The following ROR1 variants were observed in gnomAD, a reference collection of about 807,000 sequenced individuals.
ROR1 encodes ROR family WNT receptor 1.
Under a neutral mutation model 78.8 loss-of-function variants are expected in ROR1, and 19 were observed. The ratio of observed to expected loss-of-function variants is 0.24; its 90% CI spans 0.17 to 0.35. The LOEUF is 0.35. ROR1 is among the 10% of genes least tolerant of loss of function. ROR1 has a pLI of 1.00. For synonymous variants in ROR1, 386 were observed against 433.6 expected, an observed-to-expected ratio of 0.89 and a Z score of 1.36; for missense variants, 917 against 1,177.8, an observed-to-expected ratio of 0.78 and a Z score of 3.24.
chr1:64,113,496 T>C (rs375222097), intron 4 of ROR1: 2 of 152,206 alleles, frequency 1.3e-5, no homozygotes, highest in East Asian at 3.9e-4. Flanking sequence ...AGAATCTCAC[T>C]GCTCTTAAGT....
chr1:64,001,975 C>T (rs192945062), intron 1 of ROR1, among the ~76,000 whole-genome samples: 13 of 152,118 alleles, frequency 8.5e-5, no homozygotes, highest in East Asian at 1.9e-4. Flanking sequence ...TTTTTAGTCT[C>T]GTTGTGGTGG....
At chr1:63,995,862 A>G (rs2100526982) in intron 1 of ROR1, among the ~76,000 whole-genome samples, 1 of 152,304 alleles carries the variant, frequency 6.6e-6, no homozygotes, top group Admixed American at 6.5e-5. Flanking sequence ...AGCCAAGGTG[A>G]TCTCGGCACA....
intron 8 of ROR1, among the ~76,000 whole-genome samples, chr1:64,164,126 G>A (rs1650020762): frequency 6.6e-6 from 1 of 151,958 alleles, no homozygotes; most frequent in Non-Finnish European, 1.5e-5. Flanking sequence ...AGCATCCTCT[G>A]ACATTCTTTT....
chr1:64,116,578 G>A (rs551409221), intron 4 of ROR1, among the ~76,000 whole-genome samples: 7 of 152,120 alleles, frequency 4.6e-5, no homozygotes, highest in Non-Finnish European at 7.4e-5. Flanking sequence ...AACATAAGAA[G>A]GAATCTATTA....
intron 1 of ROR1, among the ~76,000 whole-genome samples, chr1:63,847,600 C>T (rs1420086588): frequency 1.3e-5 from 2 of 152,146 alleles, no homozygotes; most frequent in Non-Finnish European, 1.5e-5. Flanking sequence ...CAAAGGACTT[C>T]TGTCTGCCCT....
intron 4 of ROR1, among the ~76,000 whole-genome samples, chr1:64,062,167 C>A (rs757760947): frequency 5.9e-5 from 9 of 152,124 alleles, no homozygotes; most frequent in Non-Finnish European, 1.0e-4. Context: ...AATTTTCTTG[C>A]CATATTTCTT....
intron 4 of ROR1, among the ~76,000 whole-genome samples, chr1:64,098,872 G>C (rs1226497160): frequency 6.6e-6 from 1 of 152,192 alleles, no homozygotes; most frequent in Non-Finnish European, 1.5e-5. Context: ...CAACAATGAT[G>C]AAAAATAAAT....
At chr1:64,117,877 T>C (rs541450549) in intron 4 of ROR1, among the ~76,000 whole-genome samples, 3 of 136,438 alleles carry the variant, frequency 2.2e-5, no homozygotes, top group African/African-American at 8.2e-5. Flanking sequence ...GTCAAGGAGA[T>C]CAGTTCACGC....
At chr1:63,852,744 C>A (rs1472119451) in intron 1 of ROR1, among the ~76,000 whole-genome samples, 1 of 152,168 alleles carries the variant, frequency 6.6e-6, no homozygotes, top group Admixed American at 6.5e-5. Context: ...TCACATTCTA[C>A]TTTTAGGACA....
rs551716284 is a variant in ROR1 at position 64,141,101 on chromosome 1, G to A, written c.928+675G>A. Among the ~76,000 whole-genome samples, 4 of 152,254 alleles carry A rather than the reference G, an allele frequency of 2.6e-5. No individual in the cohort carries two copies. The South Asian group carries it at 6.2e-4, about 24-fold the overall frequency. On this transcript the variant is annotated intron_variant, in intron 6 of 8. Coordinates refer to ENST00000371079, the MANE Select transcript of ROR1 (RefSeq NM_005012.4). Reference sequence around the variant, plus strand: ...CTCTTAGGGTAATATAAGTGTTCTAGAACCTATAGTGGTGAAGGTTGTACA... The same window carrying A: ...CTCTTAGGGTAATATAAGTGTTCTAAAACCTATAGTGGTGAAGGTTGTACA...
intron 4 of ROR1, chr1:64,106,959 G>C (rs1212060698): frequency 6.6e-6 from 1 of 152,406 alleles, no homozygotes; most frequent in Non-Finnish European, 1.5e-5. Context: ...CAGTTCCTCT[G>C]TCCAGAGTCC....
intron 1 of ROR1, chr1:63,789,409 A>G (rs1401447308): frequency 6.0e-6 from 2 of 336,092 alleles, no homozygotes; most frequent in Admixed American, 7.9e-5. Flanking sequence ...ACACCTGAGC[A>G]CTGCCTGCTG....
At chr1:64,163,222 AACACACACACACACACACAC>A (rs57880828) in intron 8 of ROR1, among the ~76,000 whole-genome samples, 2,042 of 137,760 alleles carry the variant, frequency 0.015, 46 homozygotes, top group African/African-American at 0.052. Flanking sequence ...CATCTCTACA[AACACACACACACACACACAC>A]ACACACACAC....
intron 1 of ROR1, among the ~76,000 whole-genome samples, chr1:63,853,684 A>G (rs1309438727): frequency 2.0e-5 from 3 of 152,228 alleles, no homozygotes; most frequent in Non-Finnish European, 4.4e-5. Context: ...ATTGAACATT[A>G]AACAGTGCAC....
intron 7 of ROR1, among the ~76,000 whole-genome samples, chr1:64,150,854 T>C (rs2100721652): frequency 6.6e-6 from 1 of 152,366 alleles, no homozygotes; most frequent in East Asian, 1.9e-4. Context: ...AAGGTTTTTT[T>C]GTTGTTGTTC....
chr1:63,920,710 C>T (rs1645647504), intron 1 of ROR1, among the ~76,000 whole-genome samples: 1 of 152,200 alleles, frequency 6.6e-6, no homozygotes, highest in South Asian at 2.1e-4. Flanking sequence ...TAATCATTTC[C>T]CTGGAATCCA....
At chr1:63,780,378 C>T (rs369239902) in intron 1 of ROR1, among the ~76,000 whole-genome samples, 65 of 152,154 alleles carry the variant, frequency 4.3e-4, no homozygotes, top group African/African-American at 1.4e-3. Flanking sequence ...GCAAAGTTAC[C>T]TAAACTTTTG....
chr1:64,035,231 A>G (rs573753619), intron 2 of ROR1, among the ~76,000 whole-genome samples: 1 of 152,330 alleles, frequency 6.6e-6, no homozygotes, highest in Non-Finnish European at 1.5e-5. Flanking sequence ...ACCTAGATGA[A>G]TTTGAAAATT....
At chr1:64,083,549 T>C (rs748177730) in intron 4 of ROR1, among the ~76,000 whole-genome samples, 1 of 107,076 alleles carries the variant, frequency 9.3e-6, no homozygotes, top group Non-Finnish European at 2.1e-5. Context: ...TAGGAACACC[T>C]AACCATTTCC....
Sources: allele counts gnomAD v4.1 joint callset (sites outside exome capture counted in the v4.1 genomes callset), GRCh38; gene constraint gnomAD v4.1.1; transcripts MANE v1.5; gene names NCBI Gene and HGNC (gene_info 2026-07-23, HGNC 2026-07-21).